Variants in CIMAP2 observed in about 807,000 individuals in gnomAD.
CIMAP2 encodes the protein ciliary microtubule-associated protein 2.
chr1:54,811,764 A>AGCCGGGGGGGGGGGGGGGGGGG, the CIMAP2 span: 1 of 1,097,916 alleles, frequency 9.1e-7, no homozygotes, highest in Non-Finnish European at 1.3e-6. Context: ...TGGTTCTGAC[A>AGCCGGGGGGGGGGGGGGGGGGG]GCCTCCATGC....
chr1:54,835,431 T>G, the CIMAP2 span, among the ~76,000 whole-genome samples: 2 of 152,072 alleles, frequency 1.3e-5, no homozygotes, highest in Non-Finnish European at 2.9e-5. Flanking sequence ...TCAAGTGATC[T>G]GCCCGCCTCG....
At chr1:54,807,310 T>C in the CIMAP2 span, among the ~76,000 whole-genome samples, 1 of 152,224 alleles carries the variant, frequency 6.6e-6, no homozygotes, top group African/African-American at 2.4e-5. Context: ...GGAGTTGTTA[T>C]ACCTTCCTGC....
At chr1:54,806,938 C>T in the CIMAP2 span, 1 of 1,517,526 alleles carries the variant, frequency 6.6e-7, no homozygotes, top group East Asian at 2.3e-5. Context: ...CCAGAACTGC[C>T]CACGCCAGGG....
At chr1:54,817,052 C>T in the CIMAP2 span, 120 of 1,614,084 alleles carry the variant, frequency 7.4e-5, no homozygotes, top group Non-Finnish European at 9.3e-5. Flanking sequence ...CAGGCGGCAG[C>T]GATATCGATC....
chr1:54,831,980 G>A, the CIMAP2 span, among the ~76,000 whole-genome samples: 3 of 152,200 alleles, frequency 2.0e-5, no homozygotes, highest in Non-Finnish European at 2.9e-5. Flanking sequence ...CCAAGTAGCT[G>A]GGACTACAGG....
At chr1:54,811,766 C>CCGGGCGGGG in the CIMAP2 span, 1 of 1,305,190 alleles carries the variant, frequency 7.7e-7, no homozygotes, top group Non-Finnish European at 1.1e-6. Context: ...GTTCTGACAG[C>CCGGGCGGGG]CTCCATGCCC....
chr1:54,836,488 A>C, the CIMAP2 span, among the ~76,000 whole-genome samples: 2 of 150,178 alleles, frequency 1.3e-5, no homozygotes, highest in Non-Finnish European at 3.0e-5. Flanking sequence ...AGGGGTGATC[A>C]CTCTGAGCAC....
At chr1:54,841,483 C>T in the CIMAP2 span, 1 of 1,420,772 alleles carries the variant, frequency 7.0e-7, no homozygotes, top group Non-Finnish European at 9.5e-7. Flanking sequence ...TCTCTCTGGT[C>T]CTTGGTCTTC....
At chr1:54,839,781 C>T in the CIMAP2 span, among the ~76,000 whole-genome samples, 1 of 152,036 alleles carries the variant, frequency 6.6e-6, no homozygotes, top group East Asian at 1.9e-4. Context: ...ATAGTGTCAA[C>T]ACTCTGTCAC....
chr1:54,822,382 G>GTT, the CIMAP2 span, among the ~76,000 whole-genome samples: 1,297 of 142,708 alleles, frequency 9.1e-3, 8 homozygotes, highest in Middle Eastern at 0.015. Context: ...CTTTGTATTG[G>GTT]TTTTTTTTTT....
the CIMAP2 span, among the ~76,000 whole-genome samples, chr1:54,812,394 A>T: frequency 2.0e-5 from 3 of 152,190 alleles, no homozygotes; most frequent in Non-Finnish European, 4.4e-5. Context: ...GGCTGGAAGG[A>T]GCAGAGCTGG....
chr1:54,823,006 G>A, the CIMAP2 span, among the ~76,000 whole-genome samples: 3 of 152,172 alleles, frequency 2.0e-5, no homozygotes, highest in African/African-American at 4.8e-5. Flanking sequence ...GGTCTATCCT[G>A]GAGAATGTTC....
the CIMAP2 span, chr1:54,807,070 A>G: frequency 1.5e-3 from 2,469 of 1,613,632 alleles, 42 homozygotes; most frequent in African/African-American, 0.03. Flanking sequence ...TCCACGCGTT[A>G]TTCTACCCAA....
chr1:54,814,377 C>A, the CIMAP2 span, among the ~76,000 whole-genome samples: 1 of 152,166 alleles, frequency 6.6e-6, no homozygotes, highest in Non-Finnish European at 1.5e-5. Flanking sequence ...CCACTTGCTC[C>A]GCCCAAGGGA....
the CIMAP2 span, chr1:54,811,773 G>GCTCCC: frequency 6.0e-6 from 8 of 1,325,052 alleles, no homozygotes; most frequent in South Asian, 5.2e-5. Flanking sequence ...CAGCCTCCAT[G>GCTCCC]CCCCCACCCC....
the CIMAP2 span, among the ~76,000 whole-genome samples, chr1:54,836,142 C>A: frequency 6.6e-6 from 1 of 151,960 alleles, no homozygotes; most frequent in Non-Finnish European, 1.5e-5. Context: ...AGGTGGTTGC[C>A]GTTGAGACTG....
At chr1:54,834,602 A>AT in the CIMAP2 span, among the ~76,000 whole-genome samples, 12 of 151,588 alleles carry the variant, frequency 7.9e-5, no homozygotes, top group South Asian at 2.1e-4. Flanking sequence ...TGGATTTGGG[A>AT]TTTTTTTTTC....
chr1:54,813,659 G>A, the CIMAP2 span, among the ~76,000 whole-genome samples: 4 of 77,538 alleles, frequency 5.2e-5, no homozygotes, highest in African/African-American at 1.1e-4. Context: ...TGTCAGGGGG[G>A]CCTTGAGGCT....
chr1:54,822,089 G>A, the CIMAP2 span, among the ~76,000 whole-genome samples: 45 of 136,864 alleles, frequency 3.3e-4, 1 homozygote, highest in South Asian at 9.4e-3. Context: ...TAGTAGAGAC[G>A]GGGTTTCACC....
Sources: gnomAD v4.1 joint callset for allele counts (sites outside exome capture counted in the v4.1 genomes callset) on GRCh38, gnomAD v4.1.1 for gene constraint, MANE v1.5 for transcripts, NCBI Gene and HGNC (gene_info 2026-07-23, HGNC 2026-07-21) for gene names.